TRMT2B: variants seen among roughly 807,000 people sequenced by gnomAD.
TRMT2B encodes the protein tRNA methyltransferase 2B, also known as tRNA (uracil-5-)-methyltransferase homolog B.
TRMT2B carries 34 observed loss-of-function variants against 39.7 expected under a neutral mutation model. The observed-to-expected ratio is 0.86, with a 90% CI of 0.65 to 1.14. The LOEUF (loss-of-function observed/expected upper bound fraction) is 1.14, where lower values mean the gene tolerates loss of function less well. TRMT2B is among the 50% of genes most tolerant of loss of function. The pLI, the probability that TRMT2B is intolerant of heterozygous loss-of-function variation, is 0.00. For synonymous variants in TRMT2B, 132 were observed against 137.3 expected, an observed-to-expected ratio of 0.96 and a Z score of 0.27; for missense variants, 318 against 377.2, an observed-to-expected ratio of 0.84 and a Z score of 1.30.
At chrX:101,013,905 T>C (rs1357283297) in intron 13 of TRMT2B, among the ~76,000 whole-genome samples, 1 of 109,862 alleles carries the variant, frequency 9.1e-6, no homozygotes, top group African/African-American at 3.3e-5. Context: ...TGGAATAACA[T>C]AGTAAGACCC....
At chrX:101,038,597 T>C (rs185626604) in intron 4 of TRMT2B, among the ~76,000 whole-genome samples, 1 of 111,040 alleles carries the variant, frequency 9.0e-6, no homozygotes, top group East Asian at 2.8e-4. Context: ...CCTTTCAGAC[T>C]GAACACTCAA....
chrX:100,986,848 G>A, the TRMT2B span: 1 of 1,206,170 alleles, frequency 8.3e-7, no homozygotes, highest in East Asian at 3.0e-5. Flanking sequence ...TGATATTATT[G>A]ACTATCTACT....
chrX:101,040,776 T>C (rs1341386412), intron 4 of TRMT2B, among the ~76,000 whole-genome samples: 1 of 111,712 alleles, frequency 9.0e-6, no homozygotes, highest in Non-Finnish European at 1.9e-5. Context: ...GCTATAAGTA[T>C]AACAAAAACG....
intron 13 of TRMT2B, among the ~76,000 whole-genome samples, chrX:101,012,823 A>ATT (rs538177422): frequency 7.7e-5 from 8 of 103,565 alleles, no homozygotes; most frequent in Non-Finnish European, 8.0e-5. Flanking sequence ...GAAATTTATT[A>ATT]TTTTTTTTTT....
chrX:101,020,670 TA>T, intron 10 of TRMT2B, 82 bp from the exon 11 acceptor site: 1 of 799,999 alleles, frequency 1.3e-6, no homozygotes, highest in Non-Finnish European at 1.9e-6. Context: ...TAGTTTAGTT[TA>T]GTTTGTTTGT....
At chrX:100,993,213 T>C in the TRMT2B span, among the ~76,000 whole-genome samples, 2 of 112,095 alleles carry the variant, frequency 1.8e-5, no homozygotes, top group Non-Finnish European at 3.8e-5. Flanking sequence ...GTACAGCTGA[T>C]GGCTGGCAGA....
chrX:101,048,641 T>C (rs937705476), intron 2 of TRMT2B, among the ~76,000 whole-genome samples: 3 of 111,890 alleles, frequency 2.7e-5, no homozygotes, highest in Non-Finnish European at 5.6e-5. Flanking sequence ...GGTCTCATCA[T>C]GTTGGCCACC....
At chrX:101,044,294 T>C (rs1301391121) in intron 2 of TRMT2B, among the ~76,000 whole-genome samples, 2 of 107,941 alleles carry the variant, frequency 1.9e-5, no homozygotes, top group Non-Finnish European at 3.8e-5. Flanking sequence ...AGACATATTG[T>C]GTTTAGAATG....
intron 2 of TRMT2B, among the ~76,000 whole-genome samples, chrX:101,046,606 T>A (rs192214343): frequency 2.7e-3 from 296 of 110,666 alleles, no homozygotes; most frequent in African/African-American, 9.3e-3. Context: ...TATATAGTGG[T>A]TGTAAGAGTT....
chrX:101,028,182 G>A (rs1290801943), intron 7 of TRMT2B, among the ~76,000 whole-genome samples: 2 of 100,501 alleles, frequency 2.0e-5, no homozygotes, highest in Admixed American at 1.1e-4. Context: ...GCAGTGGCGC[G>A]GTTTAGGCTC....
intron 2 of TRMT2B, among the ~76,000 whole-genome samples, chrX:101,045,051 G>T (rs2088550730): frequency 1.9e-5 from 2 of 105,632 alleles, no homozygotes; most frequent in African/African-American, 6.9e-5. Flanking sequence ...GGGGGGGGTG[G>T]GGTGCTCATG....
chrX:101,045,103 A>G (rs5921713), intron 2 of TRMT2B, among the ~76,000 whole-genome samples: 3,836 of 108,934 alleles, frequency 0.035, 76 homozygotes, highest in Non-Finnish European at 0.057. Context: ...CAGGAGGATC[A>G]ATTGAGCTCA....
At chrX:100,999,521 C>T in the TRMT2B span, among the ~76,000 whole-genome samples, 20,511 of 111,231 alleles carry the variant, frequency 0.18, 1,466 homozygotes, top group South Asian at 0.25. Context: ...CCCTTCCAGC[C>T]CAAAAACAAT....
the TRMT2B span, among the ~76,000 whole-genome samples, chrX:100,975,538 C>G: frequency 9.0e-6 from 1 of 111,261 alleles, no homozygotes; most frequent in African/African-American, 3.3e-5. Flanking sequence ...GGCCTTTTAG[C>G]ATTTTCAGGT....
chrX:101,000,053 G>C, the TRMT2B span, among the ~76,000 whole-genome samples: 1 of 111,667 alleles, frequency 9.0e-6, no homozygotes, highest in East Asian at 2.8e-4. Context: ...GTGGGAATCA[G>C]GCTGAGGATA....
the TRMT2B span, among the ~76,000 whole-genome samples, chrX:100,997,373 T>C: frequency 8.9e-6 from 1 of 112,324 alleles, no homozygotes; most frequent in Non-Finnish European, 1.9e-5. Flanking sequence ...TCTGGTACAC[T>C]GATCAAAACT....
the TRMT2B span, chrX:100,990,265 G>C: frequency 1.3e-6 from 1 of 752,868 alleles, no homozygotes. Context: ...AAATGGTCTG[G>C]GAAGGACAGG....
chrX:101,026,209 T>C (rs1166098780), intron 7 of TRMT2B, among the ~76,000 whole-genome samples: 1 of 111,376 alleles, frequency 9.0e-6, no homozygotes, highest in East Asian at 2.8e-4. Context: ...GCAGTGTCTC[T>C]CGCCTATAAT....
chrX:101,004,185 T>C, the TRMT2B span, among the ~76,000 whole-genome samples: 1 of 111,087 alleles, frequency 9.0e-6, no homozygotes, highest in South Asian at 3.8e-4. Context: ...TTATTTTTTG[T>C]GGAGATAGGG....
Sources: gnomAD v4.1 joint callset for allele counts (sites outside exome capture counted in the v4.1 genomes callset) on GRCh38, gnomAD v4.1.1 for gene constraint, MANE v1.5 for transcripts, NCBI Gene and HGNC (gene_info 2026-07-23, HGNC 2026-07-21) for gene names.